INPP5A: variants seen among roughly 807,000 people sequenced by gnomAD.
INPP5A encodes the protein 43 kDa inositol polyphosphate 5-phophatase.
In INPP5A, 14 loss-of-function variants were observed where a neutral mutation model predicts 65.2. The ratio of observed to expected loss-of-function variants is 0.21; its 90% CI spans 0.14 to 0.34. The LOEUF is 0.34. Ranked by LOEUF, INPP5A falls within the 10% of genes least tolerant of loss-of-function variation. INPP5A has a pLI of 1.00. For missense variants in INPP5A, 431 were observed against 545.6 expected (o/e 0.79, Z 2.09); for synonymous variants, 207 against 208.3 (o/e 0.99, Z 0.05).
At chr10:132,730,546 T>C (rs1399162102) in intron 9 of INPP5A, among the ~76,000 whole-genome samples, 1 of 152,234 alleles carries the variant, frequency 6.6e-6, no homozygotes, top group Non-Finnish European at 1.5e-5. Context: ...GAGCAGCTCC[T>C]GCGTGCAGCT....
chr10:132,710,305 T>TG lies in INPP5A; in HGVS notation c.528-30dup, dbSNP rs911868783. The TG allele has an allele frequency of 8.1e-6, 13 of 1,609,556 alleles. No individual in the cohort carries two copies. The Admixed American group carries it at 8.4e-5, about 10-fold the overall frequency. ...AGTGTGACCCGGAGGCTCCGGCCCT[T>TG]GGTGACGTGTCCTTTTCTCTTTTGG... On this transcript the variant is annotated intron_variant, in intron 7 of 15. Transcript: ENST00000368594.
In INPP5A at chr10:132,546,235, CG is replaced by C. The variant is rs904844579; in HGVS notation, c.75+8069del. 6.6e-6 allele frequency among the ~76,000 whole-genome samples: 1 copy of C among 152,218 alleles called. No homozygotes were observed. The highest frequency in any genetic ancestry group is 2.4e-5 in the African/African-American group (1 of 41,456). ...CTAGGGTGATGGCGCTCCCAGCCCG[CG>C]GGGGTCTTGGCGTTGGCGCAGAAGT... On this transcript the variant is annotated intron_variant, in intron 1 of 15. Transcript: ENST00000368594. This position sits in a 1 kb window ranked among gnomAD's most constrained non-coding sequence, Gnocchi z 5.7.
intron 8 of INPP5A, among the ~76,000 whole-genome samples, chr10:132,717,744 A>T (rs1276472316): frequency 7.3e-6 from 1 of 136,492 alleles, no homozygotes; most frequent in Non-Finnish European, 1.5e-5. Context: ...AGCTGTCTTC[A>T]GGGTTCTGTG....
At chr10:132,737,201 C>T (rs970139995) in intron 9 of INPP5A, among the ~76,000 whole-genome samples, 7 of 152,212 alleles carry the variant, frequency 4.6e-5, no homozygotes, top group Non-Finnish European at 7.3e-5. Flanking sequence ...CAGCCATGAG[C>T]GGACTCGATG....
chr10:132,743,198 C>T (rs953470781), intron 9 of INPP5A, among the ~76,000 whole-genome samples: 163 of 132,528 alleles, frequency 1.2e-3, no homozygotes, highest in Middle Eastern at 4.9e-3. Context: ...CACCCACCAG[C>T]GCTGCACTCA....
At position 132,674,118 on chromosome 10, in the gene INPP5A, A is replaced by G. The variant is rs1184163306; in HGVS notation, c.307-16274A>G. On this transcript the variant is annotated intron_variant, in intron 4 of 15. Coordinates refer to ENST00000368594, the MANE Select transcript of INPP5A (RefSeq NM_005539.5). The surrounding 1 kb of genome is among the most constrained non-coding windows in gnomAD (Gnocchi z 4.4). ...ATTTAAATGCTCCTCTGCTGAGGTCACCCATTGGTGAGCACTCACATGCGA... is the reference window on the plus strand; with the variant it reads ...ATTTAAATGCTCCTCTGCTGAGGTCGCCCATTGGTGAGCACTCACATGCGA... Among the ~76,000 whole-genome samples the G allele has an allele frequency of 3.3e-5, 5 of 152,182 alleles. No homozygotes were observed. Among genetic ancestry groups the G allele is most frequent in the African/African-American group, 1.2e-4 (5 of 41,428 alleles).
At position 132,592,817 on chromosome 10, in the gene INPP5A, G is replaced by A. The variant is rs549834202; in HGVS notation, c.76-15098G>A. The stretch of plus-strand genomic sequence containing the variant: ...TGTGTAACAGGTGGCCACGGATGTC[G>A]TGGCTTAAAATAACACCAGTTTGTT... On this transcript the variant is annotated intron_variant, in intron 1 of 15. Transcript: ENST00000368594. Among the ~76,000 whole-genome samples, 30 of 152,354 alleles carry A rather than the reference G, an allele frequency of 2.0e-4. No individual in the cohort carries two copies. In the East Asian group the frequency reaches 5.2e-3, roughly 26 times the overall value.
intron 8 of INPP5A, among the ~76,000 whole-genome samples, chr10:132,715,163 C>G (rs1186312548): frequency 2.0e-5 from 3 of 152,224 alleles, no homozygotes; most frequent in Non-Finnish European, 4.4e-5. Context: ...TTCCTAGGCA[C>G]CATCCACTGA....
chr10:132,667,155 T>C (rs2072815625), intron 4 of INPP5A, among the ~76,000 whole-genome samples: 1 of 152,216 alleles, frequency 6.6e-6, no homozygotes, highest in South Asian at 2.1e-4. Context: ...GCTTGTCTAA[T>C]AAATGCTGCT....
intron 4 of INPP5A, among the ~76,000 whole-genome samples, chr10:132,658,903 C>T (rs2072697817): frequency 6.6e-6 from 1 of 152,106 alleles, no homozygotes; most frequent in South Asian, 2.1e-4. Flanking sequence ...TGGAAGGCGT[C>T]GGGCCTGGGG....
intron 4 of INPP5A, among the ~76,000 whole-genome samples, chr10:132,661,981 C>G (rs1485923512): frequency 6.6e-6 from 1 of 152,186 alleles, no homozygotes; most frequent in Admixed American, 6.5e-5. Context: ...AAACTCACTT[C>G]AATTGTTACT....
At chr10:132,684,021 C>T (rs1339570445) in intron 4 of INPP5A, among the ~76,000 whole-genome samples, 2 of 152,212 alleles carry the variant, frequency 1.3e-5, no homozygotes, top group African/African-American at 4.8e-5. Flanking sequence ...GGCCAAATTA[C>T]AGTATTTTTA....
intron 1 of INPP5A, among the ~76,000 whole-genome samples, chr10:132,558,398 C>G (rs1187490697): frequency 2.0e-5 from 3 of 152,254 alleles, no homozygotes; most frequent in African/African-American, 4.8e-5. Context: ...AGTCCCCCTC[C>G]TCAGGCCCTG....
In INPP5A at chr10:132,674,935, A is replaced by T. The variant is rs146108224; in HGVS notation, c.307-15457A>T. ...GGACCTGCCAAAGGCTCCAAACAGC[A>T]TCCTTATCTGCCACTGACACCTCAA... On this transcript the variant is annotated intron_variant, in intron 4 of 15. Transcript: ENST00000368594. This position sits in a 1 kb window ranked among gnomAD's most constrained non-coding sequence, Gnocchi z 4.4. 2.1e-4 allele frequency among the ~76,000 whole-genome samples: 32 copies of T among 152,320 alleles called. No individual in the cohort carries two copies. In the East Asian group the frequency reaches 6.2e-3, roughly 29 times the overall value.
At chr10:132,623,711 A>AT (rs1260032219) in intron 2 of INPP5A, among the ~76,000 whole-genome samples, 1 of 152,258 alleles carries the variant, frequency 6.6e-6, no homozygotes, top group Non-Finnish European at 1.5e-5. Flanking sequence ...ATGAAAAGAC[A>AT]TATCACAGAT....
chr10:132,631,050 G>A (rs1370570186), intron 2 of INPP5A, among the ~76,000 whole-genome samples: 1 of 152,190 alleles, frequency 6.6e-6, no homozygotes, highest in African/African-American at 2.4e-5. Flanking sequence ...CTGTGCTTGG[G>A]TGGGGCCTGC....
intron 8 of INPP5A, among the ~76,000 whole-genome samples, chr10:132,717,151 C>T (rs530055557): frequency 4.6e-5 from 7 of 152,232 alleles, no homozygotes; most frequent in Non-Finnish European, 1.0e-4. Context: ...CTCACTGCGT[C>T]CTCACGTGGT....
At chr10:132,771,751 CACAGCAG>C (rs1846956940) in intron 12 of INPP5A, among the ~76,000 whole-genome samples, 1 of 64,272 alleles carries the variant, frequency 1.6e-5, no homozygotes, top group South Asian at 6.5e-4. Flanking sequence ...ACACAGAGGC[CACAGCAG>C]CCACCCCATG....
chr10:132,767,150 C>T (rs1408971774), intron 12 of INPP5A, among the ~76,000 whole-genome samples: 2 of 116,520 alleles, frequency 1.7e-5, no homozygotes, highest in Non-Finnish European at 3.5e-5. Flanking sequence ...CCTCAGGGAG[C>T]TTGGGTGGGA....
Sources: gnomAD v4.1 joint callset for allele counts (sites outside exome capture counted in the v4.1 genomes callset) on GRCh38, gnomAD v4.1.1 for gene constraint, Gnocchi (gnomAD v3.1) non-coding constraint, MANE v1.5 for transcripts, NCBI Gene and HGNC (gene_info 2026-07-23, HGNC 2026-07-21) for gene names.